Variants in KISS1 observed in about 807,000 individuals in gnomAD.
KISS1 encodes the protein KiSS-1 metastasis suppressor.
For missense variants in KISS1, 182 were observed against 182.7 expected (o/e 1.00, Z 0.02); for synonymous variants, 97 against 88.7 (o/e 1.09, Z -0.52).
rs141787381 is a variant in KISS1, at chr1:204,193,750, G to A, written c.-38-836C>T. On this transcript the variant is annotated intron_variant, in intron 1 of 2. Transcript: ENST00000367194. The stretch of plus-strand genomic sequence containing the variant: ...CATTTTGGCTGCTGAGATGGGAGCC[G>A]TGTGCCCTGATCCTCACACCATTTC... Among the ~76,000 whole-genome samples, 447 of 152,178 alleles carry A rather than the reference G, an allele frequency of 2.9e-3. 2 individuals carry two copies. Among genetic ancestry groups the A allele is most frequent in the African/African-American group, 0.01 (433 of 41,534 alleles).
At chr1:204,191,482 G>T (rs1361384067) in intron 2 of KISS1, among the ~76,000 whole-genome samples, 1 of 152,152 alleles carries the variant, frequency 6.6e-6, no homozygotes, top group Non-Finnish European at 1.5e-5. Context: ...GATTAACAAG[G>T]CTAATTTGGA....
In KISS1 at chr1:204,193,092, C is replaced by G. The variant is rs1294713265; in HGVS notation, c.-38-178G>C. Among the ~76,000 whole-genome samples the G allele has an allele frequency of 1.3e-5, 2 of 152,162 alleles. 1 individual carries two copies. Among genetic ancestry groups the G allele is most frequent in the Admixed American group, 1.3e-4 (2 of 15,274 alleles). ...ATATCAGTGAAATGGGATTGAGACTCTTTACACAGTGTAGTTAAAGCTGAA... is the reference window on the plus strand; with the variant it reads ...ATATCAGTGAAATGGGATTGAGACTGTTTACACAGTGTAGTTAAAGCTGAA... On this transcript the variant is annotated intron_variant, in intron 1 of 2. Coordinates refer to ENST00000367194, the MANE Select transcript of KISS1 (RefSeq NM_002256.4).
chr1:204,190,549 C>T lies in KISS1; in HGVS notation c.352G>A (p.Gly118Ser), dbSNP rs1319541391. ...GCCTCCCGCTTGCCGAAGCGCAGGC[C>T]GAAGGAGTTCCAGTTGTAGTTCGGC... is the stretch of plus-strand genomic sequence containing the variant. ...DLPNYNWNSF[G>S]LRFGKREAAP... Residue 118 changes from glycine to serine, a missense_variant, in exon 3 of 3, where the codon GGC becomes AGC. By Grantham distance (56) the Gly-to-Ser change is moderately conservative. Coordinates refer to ENST00000367194, the MANE Select transcript of KISS1 (RefSeq NM_002256.4). 8 of 1,608,816 alleles carry T rather than the reference C, an allele frequency of 5.0e-6. No individual in the cohort carries two copies. The highest frequency in any genetic ancestry group is 1.7e-5 in the Admixed American group (1 of 59,708).
chr1:204,190,433 C>CCCAA lies in KISS1; in HGVS notation c.*50_*51insTTGG. 1 of 1,091,176 alleles carries CCCAA rather than the reference C, an allele frequency of 9.2e-7. No homozygotes were observed. Among genetic ancestry groups the CCCAA allele is most frequent in the Non-Finnish European group, 1.3e-6 (1 of 743,882 alleles). 67.6% of individuals were successfully genotyped at this position (1,091,176 alleles called of 1,614,324 possible). On this transcript the variant is annotated 3_prime_UTR_variant, in exon 3 of 3. Transcript: ENST00000367194. ...GTCCCCGCCCCCCGCCCCCGCCCCG[C>CCCAA]ATGCTCTGACTCCTTTGGGGTCTGA...
Position 204,192,849 on chromosome 1 carries a change from G to A in KISS1, c.28C>T (p.Leu10=), listed in dbSNP as rs371685895. Residue 10 remains leucine (L), a synonymous_variant, in exon 2 of 3, where the codon CTG becomes TTG. Transcript: ENST00000367194. The surrounding 1 kb of genome is among the most constrained non-coding windows in gnomAD (Gnocchi z 4.2). ...AAGTGGGTGGCACAGAGGAAAAGCA[G>A]TAGCTGCCAAGAAACCAGTGAGTTC... The part of the protein sequence containing the change: MNSLVSWQL[L]LFLCATHFGE... 1.7e-5 allele frequency: 27 copies of A among 1,595,550 alleles called. No individual in the cohort carries two copies. The African/African-American group carries it at 1.9e-4, about 11-fold the overall frequency.
intron 1 of KISS1, among the ~76,000 whole-genome samples, chr1:204,193,979 GCCGCTCTCC>G (rs1658793189): frequency 6.6e-6 from 1 of 152,226 alleles, no homozygotes; most frequent in Non-Finnish European, 1.5e-5. Flanking sequence ...ACAGCCTGGA[GCCGCTCTCC>G]CTGGGGAAGG....
In KISS1 at chr1:204,190,438, T is replaced by A. The variant is rs1297681416; in HGVS notation, c.*46A>T. ...CGCCCCCCGCCCCCGCCCCGCATGCTCTGACTCCTTTGGGGTCTGAAGTTC... is the reference window on the plus strand; with the variant it reads ...CGCCCCCCGCCCCCGCCCCGCATGCACTGACTCCTTTGGGGTCTGAAGTTC... On this transcript the variant is annotated 3_prime_UTR_variant, in exon 3 of 3. Coordinates refer to ENST00000367194, the MANE Select transcript of KISS1 (RefSeq NM_002256.4). The A allele has an allele frequency of 2.9e-6, 2 of 698,194 alleles. No homozygotes were observed. Among genetic ancestry groups the A allele is most frequent in the Middle Eastern group, 4.1e-4 (1 of 2,426 alleles). The allele number at this position is 698,194 out of a possible 1,614,324, so 43.2% of individuals were successfully genotyped here. A position where few individuals can be genotyped will look rare whatever the true frequency, so the allele number is the denominator to read the frequency against.
In KISS1 at chr1:204,192,756, TC is replaced by T; in HGVS notation, c.103+17del. 1.3e-6 allele frequency: 2 copies of T among 1,513,274 alleles called. No individual in the cohort carries two copies. The highest frequency in any genetic ancestry group is 1.4e-5 in the African/African-American group (1 of 73,418). The allele number at this position is 1,513,274 out of a possible 1,614,324, so 93.7% of individuals were successfully genotyped here. ...ACCCACTTGCTCCCTCCCACTCCTT[TC>T]CCCAGAGGATACATACCTGTGGGTC... On this transcript the variant is annotated intron_variant, in intron 2 of 2. Transcript: ENST00000367194. The surrounding 1 kb of genome is among the most constrained non-coding windows in gnomAD (Gnocchi z 4.2).
chr1:204,191,693 T>G (rs1200267879), intron 2 of KISS1, among the ~76,000 whole-genome samples: 1 of 152,194 alleles, frequency 6.6e-6, no homozygotes, highest in South Asian at 2.1e-4. Flanking sequence ...CCTGGCACAG[T>G]CTGGAAAAGA....
At chr1:204,193,734 T>G (rs959489556) in intron 1 of KISS1, among the ~76,000 whole-genome samples, 4 of 152,180 alleles carry the variant, frequency 2.6e-5, no homozygotes, top group Non-Finnish European at 5.9e-5. Flanking sequence ...TCATTTTGGC[T>G]GCTGAGATGG....
intron 2 of KISS1, 47 bp from the exon 3 acceptor site, chr1:204,190,844 G>A: frequency 6.6e-7 from 1 of 1,518,146 alleles, no homozygotes; most frequent in Non-Finnish European, 9.0e-7. Context: ...CGGGAAAGAT[G>A]GCTTTGCAAC....
At chr1:204,195,828 G>A (rs1326051568) in intron 1 of KISS1, among the ~76,000 whole-genome samples, 2 of 152,180 alleles carry the variant, frequency 1.3e-5, no homozygotes, top group Non-Finnish European at 2.9e-5. Flanking sequence ...GGCCATGAGT[G>A]GCCGACCTGC....
At position 204,190,409 on chromosome 1, in the gene KISS1, T is replaced by TTTTCCCCCCCCCCCCCCCCCC; in HGVS notation, c.*74_*75insGGGGGGGGGGGGGGGGGGAAA. On this transcript the variant is annotated 3_prime_UTR_variant, in exon 3 of 3. Transcript: ENST00000367194. Reference sequence around the variant, plus strand: ...CAGCGCCCCCTCCCTTAGCCCTACGTCCCCGCCCCCCGCCCCCGCCCCGCA... The same window carrying TTTTCCCCCCCCCCCCCCCCCC: ...CAGCGCCCCCTCCCTTAGCCCTACGTTTTCCCCCCCCCCCCCCCCCCCCCCGCCCCCCGCCCCCGCCCCGCA... 1.8e-6 allele frequency: 1 copy of TTTTCCCCCCCCCCCCCCCCCC among 570,142 alleles called. No homozygotes were observed. Among genetic ancestry groups the TTTTCCCCCCCCCCCCCCCCCC allele is most frequent in the Non-Finnish European group, 3.1e-6 (1 of 320,590 alleles). The allele number at this position is 570,142 out of a possible 1,614,324, so 35.3% of individuals were successfully genotyped here.
At position 204,190,398 on chromosome 1, in the gene KISS1, T is replaced by G; in HGVS notation, c.*86A>C. 13 of 970,664 alleles carry G rather than the reference T, an allele frequency of 1.3e-5. No individual in the cohort carries two copies. The highest frequency in any genetic ancestry group is 2.0e-5 in the Non-Finnish European group (13 of 646,960). 60.1% of individuals were successfully genotyped at this position (970,664 alleles called of 1,614,324 possible). ...GTTGGAAGCTCCAGCGCCCCCTCCC[T>G]TAGCCCTACGTCCCCGCCCCCCGCC... On this transcript the variant is annotated 3_prime_UTR_variant, in exon 3 of 3. Transcript: ENST00000367194.
At chr1:204,191,257 G>C (rs541371640) in intron 2 of KISS1, among the ~76,000 whole-genome samples, 1 of 152,120 alleles carries the variant, frequency 6.6e-6, no homozygotes, top group African/African-American at 2.4e-5. Context: ...AGCTAAAAAC[G>C]TGTAGTAACA....
At position 204,190,503 on chromosome 1, in the gene KISS1, C is replaced by A; in HGVS notation, c.398G>T (p.Arg133Ile). The change falls in exon 3 of 3, where the codon AGA (arginine) becomes ATA (isoleucine). Residue 133 changes from arginine to isoleucine, a missense_variant. Physicochemically the swap from Arg to Ile is moderately conservative, Grantham distance 97. Transcript: ENST00000367194. ...KREAAPGNHG[R>I]SAGRG ...GCGCCCTCAGCCCCGCCCAGCGCTTCTGCCGTGGTTCCCTGGTGCCGCCTC... is the reference window on the plus strand; with the variant it reads ...GCGCCCTCAGCCCCGCCCAGCGCTTATGCCGTGGTTCCCTGGTGCCGCCTC... The A allele has an allele frequency of 6.2e-7, 1 of 1,603,588 alleles. No individual in the cohort carries two copies. The highest frequency in any genetic ancestry group is 2.3e-5 in the East Asian group (1 of 44,328).
At position 204,190,623 on chromosome 1, in the gene KISS1, T is replaced by G. The variant is rs1281840091; in HGVS notation, c.278A>C (p.Gln93Pro). ...QPGLSAPHSR[Q>P]IPAPQGAVLV... ...CACCGCGCCCTGGGGTGCGGGGATC[T>G]GGCGGCTGTGGGGGGCGGACAGGCC... Residue 93 changes from glutamine to proline, a missense_variant, in exon 3 of 3, where the codon CAG becomes CCG. Transcript: ENST00000367194. 1 of 1,585,764 alleles carries G rather than the reference T, an allele frequency of 6.3e-7. No individual in the cohort carries two copies. The highest frequency in any genetic ancestry group is 1.1e-5 in the South Asian group (1 of 87,606).
intron 1 of KISS1, among the ~76,000 whole-genome samples, chr1:204,194,877 T>C (rs1004921343): frequency 1.3e-5 from 2 of 151,938 alleles, no homozygotes; most frequent in African/African-American, 4.8e-5. Context: ...GAGAGAAAGC[T>C]AGTGACAAGG....
At chr1:204,195,211 ACG>A (rs1658818502) in intron 1 of KISS1, among the ~76,000 whole-genome samples, 3 of 882 alleles carry the variant, frequency 3.4e-3, no homozygotes, top group African/African-American at 5.3e-3. Flanking sequence ...ACACATATAT[ACG>A]CACACACCCA....
Sources: allele counts gnomAD v4.1 joint callset (sites outside exome capture counted in the v4.1 genomes callset), GRCh38; gene constraint gnomAD v4.1.1; non-coding constraint Gnocchi (gnomAD v3.1); transcripts MANE v1.5; gene names NCBI Gene and HGNC (gene_info 2026-07-23, HGNC 2026-07-21).